Variants in BMPR2 observed in about 807,000 individuals in gnomAD.
BMPR2 encodes bone morphogenetic protein receptor type 2.
In BMPR2, 29 loss-of-function variants were observed where a neutral mutation model predicts 100.8. The observed-to-expected ratio is 0.29, with a 90% CI of 0.21 to 0.39. The LOEUF (loss-of-function observed/expected upper bound fraction) is 0.39, where lower values mean the gene tolerates loss of function less well. Among genes scored for constraint, BMPR2 ranks in the 10% least tolerant of loss-of-function variants. The pLI is 1.00. For missense variants in BMPR2, 1,011 were observed against 1,274.5 expected (o/e 0.79, Z 3.15); for synonymous variants, 382 against 442.3 (o/e 0.86, Z 1.71).
At chr2:202,539,376 G>A (rs1316836386) in intron 9 of BMPR2, among the ~76,000 whole-genome samples, 2 of 151,894 alleles carry the variant, frequency 1.3e-5, no homozygotes, top group African/African-American at 4.8e-5. Flanking sequence ...TATATAGGAG[G>A]GGAAAGTATT....
At chr2:202,455,888 A>AC (rs1261529370) in intron 1 of BMPR2, among the ~76,000 whole-genome samples, 1 of 151,374 alleles carries the variant, frequency 6.6e-6, no homozygotes, top group Admixed American at 6.6e-5. Context: ...ACACAGTGAA[A>AC]CCCCGTCTCT....
intron 1 of BMPR2, among the ~76,000 whole-genome samples, chr2:202,445,771 A>T (rs1344945621): frequency 1.7e-5 from 2 of 120,038 alleles, no homozygotes; most frequent in Admixed American, 9.1e-5. Flanking sequence ...TACAAACATA[A>T]TTTTTTTTTT....
chr2:202,559,545 C>T, intron 12 of BMPR2, 151 bp from the exon 13 acceptor site: 2 of 887,744 alleles, frequency 2.3e-6, no homozygotes, highest in Non-Finnish European at 3.5e-6. Context: ...TAAGCTTTTC[C>T]TGGAAAAACA....
At chr2:202,540,538 G>A (rs1416526327) in intron 9 of BMPR2, among the ~76,000 whole-genome samples, 2 of 152,176 alleles carry the variant, frequency 1.3e-5, no homozygotes, top group Admixed American at 1.3e-4. Context: ...AAACTTGGGC[G>A]ATGCTGCACA....
chr2:202,556,551 A>G lies in BMPR2; in HGVS notation c.2866+20A>G, dbSNP rs1409603015. The G allele has an allele frequency of 6.2e-7, 1 of 1,606,612 alleles. No individual in the cohort carries two copies. On this transcript the variant is annotated intron_variant, in intron 12 of 12. Coordinates refer to ENST00000374580, the MANE Select transcript of BMPR2 (RefSeq NM_001204.7). ...TACAGAGTAAGTGGAGGGATCATAT[A>G]ATCTCTCCTGTGTGTCTTTTGGGGC...
At chr2:202,508,801 C>A (rs1203551873) in intron 3 of BMPR2, among the ~76,000 whole-genome samples, 1 of 152,188 alleles carries the variant, frequency 6.6e-6, no homozygotes, top group Non-Finnish European at 1.5e-5. Context: ...TTGGCACTTT[C>A]TGGCATGATC....
chr2:202,409,348 AAT>A (rs1233170473), intron 1 of BMPR2, among the ~76,000 whole-genome samples: 1 of 152,016 alleles, frequency 6.6e-6, no homozygotes. Flanking sequence ...TCTGTCTCAA[AAT>A]ATATATATAA....
At chr2:202,490,394 C>T (rs755848652) in intron 3 of BMPR2, among the ~76,000 whole-genome samples, 11 of 152,100 alleles carry the variant, frequency 7.2e-5, no homozygotes, top group African/African-American at 2.7e-4. Flanking sequence ...CAAATGCACA[C>T]ACACAAGTAT....
In BMPR2 at chr2:202,510,178, G is replaced by A. The variant is rs377454128; in HGVS notation, c.419-3541G>A. Among the ~76,000 whole-genome samples the A allele has an allele frequency of 3.2e-3, 486 of 152,270 alleles. 2 individuals carry two copies. Among genetic ancestry groups the A allele is most frequent in the African/African-American group, 0.011 (471 of 41,554 alleles). On this transcript the variant is annotated intron_variant, in intron 3 of 12. Coordinates refer to ENST00000374580, the MANE Select transcript of BMPR2 (RefSeq NM_001204.7). ...TTATGCCTATAATCCCAGCACTTTG[G>A]GAGGCCAAGGTGGGCAGATCACGAG...
chr2:202,468,227 A>G (rs1337256446), intron 3 of BMPR2, among the ~76,000 whole-genome samples: 1 of 152,132 alleles, frequency 6.6e-6, no homozygotes, highest in Non-Finnish European at 1.5e-5. Flanking sequence ...CTGTAATTTC[A>G]GCACTTTAGG....
chr2:202,457,865 G>A (rs913936902), intron 1 of BMPR2, among the ~76,000 whole-genome samples: 1 of 152,066 alleles, frequency 6.6e-6, no homozygotes, highest in South Asian at 2.1e-4. Flanking sequence ...AAGTAGCTGA[G>A]ATGACAGGCA....
chr2:202,433,423 T>C (rs1473550221), intron 1 of BMPR2, among the ~76,000 whole-genome samples: 1 of 150,702 alleles, frequency 6.6e-6, no homozygotes, highest in Non-Finnish European at 1.5e-5. Flanking sequence ...TAAGGAAGGC[T>C]AAGACATCAG....
chr2:202,423,730 G>A (rs1236713134), intron 1 of BMPR2, among the ~76,000 whole-genome samples: 1 of 151,990 alleles, frequency 6.6e-6, no homozygotes, highest in African/African-American at 2.4e-5. Flanking sequence ...CTCTGGCCTG[G>A]GCAATAGCAT....
At chr2:202,425,981 A>G (rs899529516) in intron 1 of BMPR2, among the ~76,000 whole-genome samples, 2 of 152,240 alleles carry the variant, frequency 1.3e-5, no homozygotes, top group African/African-American at 4.8e-5. Flanking sequence ...TAAAAAGGTA[A>G]CAATCCAAAA....
At chr2:202,512,732 T>C (rs1312616495) in intron 3 of BMPR2, among the ~76,000 whole-genome samples, 1 of 152,142 alleles carries the variant, frequency 6.6e-6, no homozygotes, top group African/African-American at 2.4e-5. Flanking sequence ...AGCCCTGTGA[T>C]TTACCTATGT....
intron 1 of BMPR2, among the ~76,000 whole-genome samples, chr2:202,381,243 G>A (rs181516407): frequency 6.6e-6 from 1 of 152,254 alleles, no homozygotes; most frequent in African/African-American, 2.4e-5. Flanking sequence ...AAAGTGCTGG[G>A]ATTATAGGCA....
At chr2:202,420,357 TA>T (rs1168566865) in intron 1 of BMPR2, among the ~76,000 whole-genome samples, 2 of 152,064 alleles carry the variant, frequency 1.3e-5, no homozygotes, top group Non-Finnish European at 2.9e-5. Context: ...TAAAATAATT[TA>T]TACAGAGAAA....
chr2:202,384,569 T>TTTCTTTCTTTCTTTCTTTTTC, intron 1 of BMPR2, among the ~76,000 whole-genome samples: 1 of 93,594 alleles, frequency 1.1e-5, no homozygotes, highest in African/African-American at 5.4e-5. Context: ...TCTTTCTTTC[T>TTTCTTTCTTTCTTTCTTTTTC]TTTTCTTTCT....
intron 5 of BMPR2, among the ~76,000 whole-genome samples, chr2:202,517,409 C>T (rs1339367029): frequency 2.6e-5 from 4 of 150,998 alleles, no homozygotes; most frequent in African/African-American, 9.7e-5. Flanking sequence ...CAACCTCTGC[C>T]TCCCGGTTTC....
Sources: gnomAD v4.1 joint callset for allele counts (sites outside exome capture counted in the v4.1 genomes callset) on GRCh38, gnomAD v4.1.1 for gene constraint, MANE v1.5 for transcripts, NCBI Gene and HGNC (gene_info 2026-07-23, HGNC 2026-07-21) for gene names.